The following XIRP1 variants were observed in gnomAD, a reference collection of about 807,000 sequenced individuals.
XIRP1 encodes xin actin-binding repeat-containing protein 1.
For missense variants in XIRP1, 2,378 were observed against 2,345.4 expected (o/e 1.01, Z -0.29); for synonymous variants, 984 against 947.0 (o/e 1.04, Z -0.72).
In XIRP1 at chr3:39,186,958, T is replaced by C; in HGVS notation, c.2488A>G (p.Ile830Val). 6.2e-7 allele frequency: 1 copy of C among 1,609,502 alleles called. No homozygotes were observed. Among genetic ancestry groups the C allele is most frequent in the Non-Finnish European group, 8.5e-7 (1 of 1,176,186 alleles). Residue 830 changes from isoleucine to valine, a missense_variant, in exon 2 of 2, where the codon ATC (isoleucine) becomes GTC (valine). Coordinates refer to ENST00000340369, the MANE Select transcript of XIRP1 (RefSeq NM_194293.4). ...EELVSGELPR[I>V]ICQVLRRPDV... is the part of the protein sequence containing the mutation. Reference sequence around the variant, plus strand: ...GGCCGGCGCAGGACTTGGCAGATGATCCTGGGAAGTTCACCTGACACCAGC... The same window carrying C: ...GGCCGGCGCAGGACTTGGCAGATGACCCTGGGAAGTTCACCTGACACCAGC...
rs1368055861 is a variant in XIRP1, at chr3:39,186,644, A to G, written c.2802T>C (p.Asp934=). 8 of 1,612,668 alleles carry G rather than the reference A, an allele frequency of 5.0e-6. No individual in the cohort carries two copies. Among genetic ancestry groups the G allele is most frequent in the Non-Finnish European group, 6.8e-6 (8 of 1,179,434 alleles). The part of the protein sequence containing the change: ...SSVQLLASCI[D]KGDLSGLHSL... The stretch of plus-strand genomic sequence containing the variant: ...TGTGCAGGCCACTCAGGTCTCCTTT[A>G]TCTATGCAGCTGGCCAACAGCTGCA... Residue 934 remains aspartate (D), a synonymous_variant, in exon 2 of 2, where the codon GAT becomes GAC. Coordinates refer to ENST00000340369, the MANE Select transcript of XIRP1 (RefSeq NM_194293.4).
At position 39,185,839 on chromosome 3, in the gene XIRP1, C is replaced by T. The variant is rs558731277; in HGVS notation, c.3607G>A (p.Ala1203Thr). 1.2e-6 allele frequency: 2 copies of T among 1,613,744 alleles called. No homozygotes were observed. The highest frequency in any genetic ancestry group is 1.7e-5 in the Admixed American group (1 of 59,970). ...ATCGCCTTCCCTGGTGGCCCCCAGG[C>T]CATCTGTGTGCAGCCCCCAGGCTCC... The part of the protein sequence containing the change: ...REEPGGCTQM[A>T]WGPPGKAMAE... The change falls in exon 2 of 2, where the codon GCC becomes ACC. Residue 1203 changes from alanine to threonine, a missense_variant. By Grantham distance (58) the Ala-to-Thr change is moderately conservative (BLOSUM62 0). Coordinates refer to ENST00000340369, the MANE Select transcript of XIRP1 (RefSeq NM_194293.4).
At position 39,188,865 on chromosome 3, in the gene XIRP1, A is replaced by G; in HGVS notation, c.581T>C (p.Leu194Pro). 1 of 1,612,676 alleles carries G rather than the reference A, an allele frequency of 6.2e-7. No homozygotes were observed. The highest frequency in any genetic ancestry group is 8.5e-7 in the Non-Finnish European group (1 of 1,180,024). The change falls in exon 2 of 2, where the codon CTC (leucine) becomes CCC (proline). Residue 194 changes from leucine to proline, a missense_variant. By Grantham distance (98) the Leu-to-Pro change is moderately conservative. Coordinates refer to ENST00000340369, the MANE Select transcript of XIRP1 (RefSeq NM_194293.4). ...GCGGTCCAGCGGCCGCGTCTCAAAG[A>G]GCATCCTGGTACCCTGCACATCTCC... ...ASGDVQGTRM[L>P]FETRPLDRLG...
At position 39,187,330 on chromosome 3, in the gene XIRP1, C is replaced by G; in HGVS notation, c.2116G>C (p.Gly706Arg). 5 of 1,600,140 alleles carry G rather than the reference C, an allele frequency of 3.1e-6. No homozygotes were observed. The highest frequency in any genetic ancestry group is 3.3e-4 in the Middle Eastern group (2 of 5,980). Residue 706 changes from glycine (G) to arginine (R), a missense_variant, in exon 2 of 2, where the codon GGC becomes CGC. Transcript: ENST00000340369. ...CGGGGCTCCTGTTCTTCCTTCTTGC[C>G]TGCCTCCAGGGCCTGAAAAACCTCT... ...QKEVFQALEA[G>R]KKEEQEPRVI...
In XIRP1 at chr3:39,184,944, A is replaced by C. The variant is rs148293993; in HGVS notation, c.4502T>G (p.Val1501Gly). ...AGGAGCAGCCCCTCCCAGCTGGGGCACGGCCTCAAAGAGCCTCCGCAGGGC... is the reference window on the plus strand; with the variant it reads ...AGGAGCAGCCCCTCCCAGCTGGGGCCCGGCCTCAAAGAGCCTCCGCAGGGC... ...VQALRRLFEA[V>G]PQLGGAAPQA... The change falls in exon 2 of 2, where the codon GTG (valine) becomes GGG (glycine). Residue 1501 changes from valine (V) to glycine (G), a missense_variant. Transcript: ENST00000340369. The C allele has an allele frequency of 6.4e-7, 1 of 1,562,912 alleles. No homozygotes were observed. Among genetic ancestry groups the C allele is most frequent in the East Asian group, 2.3e-5 (1 of 44,370 alleles).
Position 39,184,388 on chromosome 3 carries a change from G to A in XIRP1, c.5058C>T (p.Pro1686=), listed in dbSNP as rs201302267. The part of the protein sequence containing the change: ...QSATRKPLET[P]SFKGNPDVSV... ...AGACATCAGGGTTGCCCTTAAAGCT[G>A]GGAGTCTCTAGAGGCTTCCTTGTGG... The change falls in exon 2 of 2, where the codon CCC becomes CCT. Residue 1686 remains proline, a synonymous_variant. Coordinates refer to ENST00000340369, the MANE Select transcript of XIRP1 (RefSeq NM_194293.4). 1.2e-6 allele frequency: 2 copies of A among 1,614,212 alleles called. No individual in the cohort carries two copies. The highest frequency in any genetic ancestry group is 1.7e-6 in the Non-Finnish European group (2 of 1,180,026).
In XIRP1 at chr3:39,184,818, G is replaced by A; in HGVS notation, c.4628C>T (p.Thr1543Ile). ...TTCAATGTCCAGCAGCCTTGCCAAG[G>A]TCTGTTCCTTCAGTTGAGCAACTTC... is the stretch of plus-strand genomic sequence containing the variant. ...STEVAQLKEQ[T>I]LARLLDIEEA... The change falls in exon 2 of 2, where the codon ACC becomes ATC. Residue 1543 changes from threonine (T) to isoleucine (I), a missense_variant. Physicochemically the swap from Thr to Ile is moderately conservative, Grantham distance 89. Transcript: ENST00000340369. The A allele has an allele frequency of 2.5e-6, 4 of 1,614,050 alleles. No individual in the cohort carries two copies. Among genetic ancestry groups the A allele is most frequent in the Non-Finnish European group, 3.4e-6 (4 of 1,179,880 alleles).
chr3:39,185,548 C>T lies in XIRP1; in HGVS notation c.3898G>A (p.Gly1300Ser). ...PLLHSHSSPA[G>S]QRTPGGSQTK... is the part of the protein sequence containing the mutation. ...TGTGACCCTCCAGGGGTTCTCTGGC[C>T]AGCAGGGCTGCTGTGGGAGTGAAGA... The change falls in exon 2 of 2, where the codon GGC becomes AGC. Residue 1300 changes from glycine (G) to serine (S), a missense_variant. Gly to Ser is a moderately conservative substitution (Grantham distance 56). Coordinates refer to ENST00000340369, the MANE Select transcript of XIRP1 (RefSeq NM_194293.4). 18 of 1,566,360 alleles carry T rather than the reference C, an allele frequency of 1.1e-5. No individual in the cohort carries two copies. The highest frequency in any genetic ancestry group is 1.6e-5 in the Non-Finnish European group (18 of 1,156,074).
rs2040014564 is a variant in XIRP1 at position 39,187,885 on chromosome 3, G to C, written c.1561C>G (p.Leu521Val). The C allele has an allele frequency of 6.2e-7, 1 of 1,614,186 alleles. No homozygotes were observed. The highest frequency in any genetic ancestry group is 8.5e-7 in the Non-Finnish European group (1 of 1,180,048). Residue 521 changes from leucine (L) to valine (V), a missense_variant, in exon 2 of 2, where the codon CTA (leucine) becomes GTA (valine). Coordinates refer to ENST00000340369, the MANE Select transcript of XIRP1 (RefSeq NM_194293.4). ...CTGGGGCTTCGGCCGAGCTGGTCTA[G>C]GGGCTGTGTCTCAAACATCCACCTG... Reference protein sequence around the residue: ...GYRWMFETQPLDQLGRSPSTI... With the variant: ...GYRWMFETQPVDQLGRSPSTI...
chr3:39,189,779 T>C (rs1430298675), intron 1 of XIRP1, among the ~76,000 whole-genome samples: 1 of 152,176 alleles, frequency 6.6e-6, no homozygotes, highest in Non-Finnish European at 1.5e-5. Flanking sequence ...TTTAGCTCCA[T>C]AAGGGACGCA....
At position 39,187,958 on chromosome 3, in the gene XIRP1, C is replaced by T. The variant is rs772978216; in HGVS notation, c.1488G>A (p.Leu496=). The T allele has an allele frequency of 1.2e-6, 2 of 1,614,214 alleles. No homozygotes were observed. The highest frequency in any genetic ancestry group is 4.5e-5 in the East Asian group (2 of 44,882). Residue 496 remains leucine, a synonymous_variant, in exon 2 of 2, where the codon CTG becomes CTA. Transcript: ENST00000340369. ...CTATCTGCTCTCTGCTAACAGAGGT[C>T]AGGGCATGGAGGCGGCCCTTGCTGT... is the stretch of plus-strand genomic sequence containing the variant. ...MQDSKGRLHA[L]TSVSREQIVG...
rs758109770 is a variant in XIRP1 at position 39,188,430 on chromosome 3, C to T, written c.1016G>A (p.Gly339Asp). The T allele has an allele frequency of 6.2e-7, 1 of 1,606,912 alleles. No individual in the cohort carries two copies. Among genetic ancestry groups the T allele is most frequent in the Admixed American group, 1.7e-5 (1 of 59,790 alleles). Residue 339 changes from glycine (G) to aspartate (D), a missense_variant, in exon 2 of 2, where the codon GGT (glycine) becomes GAT (aspartate). By Grantham distance (94) the Gly-to-Asp change is moderately conservative. Transcript: ENST00000340369. ...ATGCTGCTGCTGCTGAACATCTGGA[C>T]CAGGTGGGATAAGGTCTGGGGATGG... Reference protein sequence around the residue: ...FQPSPDLIPPGPDVQQQQHLF... With the variant: ...FQPSPDLIPPDPDVQQQQHLF...
Position 39,187,706 on chromosome 3 carries a change from G to A in XIRP1, c.1740C>T (p.Asp580=). ...RQKEEGKSQG[D]PQPEAPPKGD... is the part of the protein sequence containing the mutation. Reference sequence around the variant, plus strand: ...CCTTTGGGGGTGCCTCAGGCTGGGGGTCTCCCTGACTCTTCCCTTCTTCTT... The same window carrying A: ...CCTTTGGGGGTGCCTCAGGCTGGGGATCTCCCTGACTCTTCCCTTCTTCTT... Residue 580 remains aspartate (D), a synonymous_variant, in exon 2 of 2, where the codon GAC becomes GAT. Coordinates refer to ENST00000340369, the MANE Select transcript of XIRP1 (RefSeq NM_194293.4). 3 of 1,614,022 alleles carry A rather than the reference G, an allele frequency of 1.9e-6. No individual in the cohort carries two copies. The highest frequency in any genetic ancestry group is 2.5e-6 in the Non-Finnish European group (3 of 1,180,038).
In XIRP1 at chr3:39,187,847, C is replaced by A. The variant is rs774953753; in HGVS notation, c.1599G>T (p.Val533=). 2 of 1,614,034 alleles carry A rather than the reference C, an allele frequency of 1.2e-6. No homozygotes were observed. Among genetic ancestry groups the A allele is most frequent in the African/African-American group, 1.3e-5 (1 of 74,918 alleles). ...CTTCCTGCCGGGTGATGCCCCGCACCACGTCGATGGTACTGGGGCTTCGGC... is the reference window on the plus strand; with the variant it reads ...CTTCCTGCCGGGTGATGCCCCGCACAACGTCGATGGTACTGGGGCTTCGGC... ...QLGRSPSTID[V]VRGITRQEVV... The change falls in exon 2 of 2, where the codon GTG becomes GTT. Residue 533 remains valine (V), a synonymous_variant. Transcript: ENST00000340369.
Position 39,186,513 on chromosome 3 carries a change from G to T in XIRP1, c.2933C>A (p.Pro978His), listed in dbSNP as rs2039975412. 5.0e-6 allele frequency: 8 copies of T among 1,613,280 alleles called. No homozygotes were observed. The highest frequency in any genetic ancestry group is 5.9e-6 in the Non-Finnish European group (7 of 1,179,508). The part of the protein sequence containing the change: ...ESIIHVPPLD[P>H]SMGMGHLRAS... ...TCTCAGATGCCCCATCCCCATGCTG[G>T]GGTCCAGTGGGGGAACATGGATGAT... Residue 978 changes from proline to histidine, a missense_variant, in exon 2 of 2, where the codon CCC becomes CAC. By Grantham distance (77) the Pro-to-His change is moderately conservative (BLOSUM62 -2). Transcript: ENST00000340369.
rs1201460148 is a variant in XIRP1 at position 39,189,468 on chromosome 3, G to A, written c.-23C>T. 3 of 1,560,196 alleles carry A rather than the reference G, an allele frequency of 1.9e-6. No individual in the cohort carries two copies. The highest frequency in any genetic ancestry group is 2.2e-5 in the East Asian group (1 of 44,484). On this transcript the variant is annotated 5_prime_UTR_variant, in exon 2 of 2. Coordinates refer to ENST00000340369, the MANE Select transcript of XIRP1 (RefSeq NM_194293.4). ...CATCCTTCTGAGAAGAAGGGGCAGA[G>A]ATGAGGATGGGATTGGGAGCCTTAG...
At chr3:39,189,815 A>G (rs2040063294) in intron 1 of XIRP1, among the ~76,000 whole-genome samples, 1 of 152,200 alleles carries the variant, frequency 6.6e-6, no homozygotes, top group African/African-American at 2.4e-5. Context: ...CAAACTGGAC[A>G]TGCCCCATCC....
rs187061436 is a variant in XIRP1, at chr3:39,186,613, G to A, written c.2833C>T (p.Arg945Trp). The part of the protein sequence containing the change: ...KGDLSGLHSL[R>W]WEPPADPSPV... ...CTCGGGTCAGCCGGGGGCTCCCACC[G>A]CAGACTGTGCAGGCCACTCAGGTCT... The change falls in exon 2 of 2, where the codon CGG (arginine) becomes TGG (tryptophan). Residue 945 changes from arginine to tryptophan, a missense_variant. Transcript: ENST00000340369. 17 of 1,609,872 alleles carry A rather than the reference G, an allele frequency of 1.1e-5. 2 individuals are homozygous for A. The Middle Eastern group carries it at 9.9e-4, about 94-fold the overall frequency.
In XIRP1 at chr3:39,187,860, C is replaced by T. The variant is rs761545084; in HGVS notation, c.1586G>A (p.Ser529Asn). 5.3e-5 allele frequency: 86 copies of T among 1,614,082 alleles called. No individual in the cohort carries two copies. Among genetic ancestry groups the T allele is most frequent in the Admixed American group, 3.8e-4 (23 of 60,008 alleles). ...QPLDQLGRSPSTIDVVRGITR... is the reference protein window; with the variant it reads ...QPLDQLGRSPNTIDVVRGITR... ...GATGCCCCGCACCACGTCGATGGTA[C>T]TGGGGCTTCGGCCGAGCTGGTCTAG... is the stretch of plus-strand genomic sequence containing the variant. The change falls in exon 2 of 2, where the codon AGT (serine) becomes AAT (asparagine). Residue 529 changes from serine (S) to asparagine (N), a missense_variant. By Grantham distance (46) the Ser-to-Asn change is conservative. Coordinates refer to ENST00000340369, the MANE Select transcript of XIRP1 (RefSeq NM_194293.4).
Sources: gnomAD v4.1 joint callset for allele counts (sites outside exome capture counted in the v4.1 genomes callset) on GRCh38, gnomAD v4.1.1 for gene constraint, MANE v1.5 for transcripts, NCBI Gene and HGNC (gene_info 2026-07-23, HGNC 2026-07-21) for gene names.